The following SNRNP35 variants were observed in gnomAD, a reference collection of about 807,000 sequenced individuals.
The protein encoded by SNRNP35 is U11/U12 small nuclear ribonucleoprotein 35 kDa protein.
Under a neutral mutation model 24.3 loss-of-function variants are expected in SNRNP35, and 16 were observed. The observed-to-expected ratio is 0.66, with a 90% CI of 0.45 to 1.00. The LOEUF (loss-of-function observed/expected upper bound fraction) is 1.00, where lower values mean the gene tolerates loss of function less well. SNRNP35 is among the 50% of genes least tolerant of loss of function. The probability of loss-of-function intolerance (pLI) is 0.00; values close to 1 mark genes in which losing one functional copy is unlikely to be tolerated. For missense variants in SNRNP35, 292 were observed against 327.2 expected (o/e 0.89, Z 0.83); for synonymous variants, 106 against 124.8 (o/e 0.85, Z 1.00).
intron 1 of SNRNP35, chr12:123,459,592 A>G (rs915750297): frequency 2.5e-5 from 9 of 361,556 alleles, no homozygotes; most frequent in Admixed American, 1.7e-4. Flanking sequence ...GTTTGAGACC[A>G]GCTTGGCCAA....
downstream of SNRNP35, among the ~76,000 whole-genome samples, chr12:123,467,373 A>G (rs1363048591): frequency 2.0e-5 from 3 of 152,238 alleles, no homozygotes; most frequent in Admixed American, 1.3e-4. Flanking sequence ...TTGAAAAGAT[A>G]AAGTTAGACA....
At chr12:123,458,941 T>A (rs1447777526) in intron 1 of SNRNP35, 1 of 151,182 alleles carries the variant, frequency 6.6e-6, no homozygotes, top group Non-Finnish European at 1.5e-5. Flanking sequence ...AGAGGCTTCA[T>A]TTATTTTTTT....
downstream of SNRNP35, among the ~76,000 whole-genome samples, chr12:123,469,439 C>A (rs1011128757): frequency 3.3e-5 from 5 of 152,016 alleles, no homozygotes; most frequent in East Asian, 9.7e-4. Flanking sequence ...AGGTATGAAC[C>A]ACTGCTCCTG....
rs778239110 is a variant in SNRNP35, at chr12:123,466,160, G to A, written c.620G>A (p.Arg207Gln). Residue 207 changes from arginine to glutamine, a missense_variant, in exon 2 of 2, where the codon CGG becomes CAG. Arg to Gln is a conservative substitution (Grantham distance 43, BLOSUM62 1). Coordinates refer to ENST00000526639, the MANE Select transcript of SNRNP35 (RefSeq NM_022717.4). ...AGGGATCGAGACCATGACAGGGGCC[G>A]GGAGAAGAGATGGCAAGAAAGAGAG... Reference protein sequence around the residue: ...RTRDRDHDRGREKRWQEREPT... With the variant: ...RTRDRDHDRGQEKRWQEREPT... 6.2e-6 allele frequency: 10 copies of A among 1,607,994 alleles called. No homozygotes were observed. Among genetic ancestry groups the A allele is most frequent in the East Asian group, 4.5e-5 (2 of 44,830 alleles).
At chr12:123,459,852 G>C in intron 1 of SNRNP35, 1 of 1,592,842 alleles carries the variant, frequency 6.3e-7, no homozygotes, top group South Asian at 1.1e-5. Context: ...TAATGCTGCC[G>C]GGGAGGAAGT....
At chr12:123,469,990 TAGTA>T (rs1160837851), downstream of SNRNP35, 1 of 150,158 alleles carries the variant, frequency 6.7e-6, no homozygotes, top group Admixed American at 6.6e-5. Context: ...CTTGGTGACA[TAGTA>T]AGACCTTGTC....
downstream of SNRNP35, among the ~76,000 whole-genome samples, chr12:123,467,558 C>T (rs1181383087): frequency 1.3e-5 from 2 of 152,106 alleles, no homozygotes; most frequent in Non-Finnish European, 2.9e-5. Context: ...CCATACTGTT[C>T]GGATGATTTT....
Position 123,465,837 on chromosome 12 carries a change from CA to C in SNRNP35, c.299del (p.Lys100ArgfsTer6). The C allele has an allele frequency of 6.2e-7, 1 of 1,613,988 alleles. No homozygotes were observed. Among genetic ancestry groups the C allele is most frequent in the Non-Finnish European group, 8.5e-7 (1 of 1,180,022 alleles). On this transcript the variant is annotated frameshift_variant, in exon 2 of 2. Coordinates refer to ENST00000526639, the MANE Select transcript of SNRNP35 (RefSeq NM_022717.4). LOFTEE classifies it high-confidence loss of function. This position sits in a 1 kb window ranked among gnomAD's most constrained non-coding sequence, Gnocchi z 4.2. ...CAAAGGGCTACGCCTTCATCGAATA[CA>C]AGGAGGAGCGTGCCGTGATCAAAGC... ...FSKGYAFIEY[K>X]EERAVIKAYR... is the part of the protein sequence containing the mutation.
rs564293062 is a variant in SNRNP35, at chr12:123,460,897, A to G, written c.-4+2681A>G. ...AGTCTCGAACTCCCGACTTCAGGCAATCTGCCCACTTTTGCCTCCCAAAGT... is the reference window on the plus strand; with the variant it reads ...AGTCTCGAACTCCCGACTTCAGGCAGTCTGCCCACTTTTGCCTCCCAAAGT... On this transcript the variant is annotated intron_variant, in intron 1 of 1. Coordinates refer to ENST00000526639, the MANE Select transcript of SNRNP35 (RefSeq NM_022717.4). Among the ~76,000 whole-genome samples the G allele has an allele frequency of 2.0e-4, 30 of 151,228 alleles. No individual in the cohort carries two copies. The South Asian group carries it at 6.1e-3, about 31-fold the overall frequency.
intron 1 of SNRNP35, chr12:123,464,583 A>G (rs1234351677): frequency 6.6e-6 from 1 of 152,240 alleles, no homozygotes; most frequent in Non-Finnish European, 1.5e-5. Context: ...CATTGGCTCT[A>G]CAGCGTTGCA....
At chr12:123,462,220 A>G (rs926265000) in intron 1 of SNRNP35, among the ~76,000 whole-genome samples, 4 of 152,200 alleles carry the variant, frequency 2.6e-5, no homozygotes, top group African/African-American at 7.2e-5. Flanking sequence ...TGACAGGCCC[A>G]GTAGAATTTC....
downstream of SNRNP35, chr12:123,470,748 T>C (rs923543877): frequency 3.9e-5 from 6 of 152,174 alleles, no homozygotes; most frequent in Admixed American, 1.3e-4. Flanking sequence ...GGTGCCACTA[T>C]ACTTTGGCTT....
At chr12:123,459,741 T>G in intron 1 of SNRNP35, 7 of 1,011,878 alleles carry the variant, frequency 6.9e-6, no homozygotes, top group East Asian at 2.7e-5. Flanking sequence ...TGAGCCGAGA[T>G]TGGCCATTGC....
chr12:123,472,542 A>G, exon 2 of SNRNP35: 1 of 1,551,272 alleles, frequency 6.4e-7, no homozygotes, highest in Non-Finnish European at 8.7e-7. Context: ...CCAAGGTCAC[A>G]GATGCTGCAG....
exon 2 of SNRNP35, chr12:123,472,885 T>C: frequency 1.7e-6 from 1 of 572,352 alleles, no homozygotes. Context: ...ACACGGTACC[T>C]TGGAGGTCAC....
At chr12:123,460,709 A>C (rs893975244) in intron 1 of SNRNP35, among the ~76,000 whole-genome samples, 1 of 150,952 alleles carries the variant, frequency 6.6e-6, no homozygotes, top group Non-Finnish European at 1.5e-5. Context: ...TGACTGTGCC[A>C]CTGTACTCCA....
chr12:123,472,829 C>T (rs1881290657), exon 2 of SNRNP35: 1 of 774,722 alleles, frequency 1.3e-6, no homozygotes, highest in Admixed American at 2.6e-5. Context: ...GGGTGCAGGT[C>T]AAAGTTATTC....
chr12:123,467,540 A>G (rs1881027148), downstream of SNRNP35, among the ~76,000 whole-genome samples: 1 of 152,220 alleles, frequency 6.6e-6, no homozygotes, highest in Admixed American at 6.5e-5. Context: ...GAGGACTTTG[A>G]GCAAGTACCA....
Position 123,465,970 on chromosome 12 carries a change from C to T in SNRNP35, c.430C>T (p.Leu144Phe), listed in dbSNP as rs1209786878. 1.9e-6 allele frequency: 3 copies of T among 1,613,734 alleles called. No individual in the cohort carries two copies. The African/African-American group carries it at 4.0e-5, about 22-fold the overall frequency. The change falls in exon 2 of 2, where the codon CTT (leucine) becomes TTT (phenylalanine). Residue 144 changes from leucine (L) to phenylalanine (F), a missense_variant. Transcript: ENST00000526639. The surrounding 1 kb of genome is among the most constrained non-coding windows in gnomAD (Gnocchi z 4.2). ...GATCCCTCGGCGACTTGGAGGCGGT[C>T]TTGGGGGAAAAAAGGAGTCTGGGCA... is the stretch of plus-strand genomic sequence containing the variant. ...GWIPRRLGGG[L>F]GGKKESGQLR...
Sources: gnomAD v4.1 joint callset for allele counts (sites outside exome capture counted in the v4.1 genomes callset) on GRCh38, gnomAD v4.1.1 for gene constraint, Gnocchi (gnomAD v3.1) non-coding constraint, MANE v1.5 for transcripts, NCBI Gene and HGNC (gene_info 2026-07-23, HGNC 2026-07-21) for gene names.